USH2A: variants seen among roughly 807,000 people sequenced by gnomAD.
The protein encoded by USH2A is usherin.
A neutral mutation model predicts 538.9 loss-of-function variants in USH2A; 443 were observed. The observed-to-expected ratio is 0.82, with a 90% confidence interval of 0.76 to 0.89. The LOEUF (loss-of-function observed/expected upper bound fraction) is 0.89, where lower values mean the gene tolerates loss of function less well. USH2A is among the 40% of genes least tolerant of loss of function. The probability of loss-of-function intolerance (pLI) is 0.00; values close to 1 mark genes in which losing one functional copy is unlikely to be tolerated. For missense variants in USH2A, 6,633 were observed against 6,324.8 expected, an observed-to-expected ratio of 1.05 and a Z score of -1.65; for synonymous variants, 2,413 against 2,273.5, an observed-to-expected ratio of 1.06 and a Z score of -1.75.
chr1:215,693,402 T>C (rs1658688906), intron 61 of USH2A, among the ~76,000 whole-genome samples: 1 of 152,108 alleles, frequency 6.6e-6, no homozygotes, highest in South Asian at 2.1e-4. Context: ...GAGATTTGTA[T>C]TGTTATACAT....
intron 32 of USH2A, among the ~76,000 whole-genome samples, chr1:216,008,094 T>C (rs1054416497): frequency 1.3e-5 from 2 of 152,150 alleles, no homozygotes; most frequent in Admixed American, 1.3e-4. Context: ...AAAAAGTAGT[T>C]TGTTAGGTCA....
intron 32 of USH2A, among the ~76,000 whole-genome samples, chr1:216,019,573 T>C (rs1668798917): frequency 6.6e-6 from 1 of 152,206 alleles, no homozygotes; most frequent in South Asian, 2.1e-4. Flanking sequence ...TCTGTGTTTA[T>C]GTTAGATGCT....
At chr1:215,686,769 A>C (rs1658436304) in intron 61 of USH2A, among the ~76,000 whole-genome samples, 1 of 97,656 alleles carries the variant, frequency 1.0e-5, no homozygotes, top group African/African-American at 3.4e-5. Flanking sequence ...TTATTCAGCC[A>C]ATAAGTATAG....
Position 216,199,921 on chromosome 1 carries a change from A to G in USH2A, c.3517T>C (p.Ser1173Pro). 6.2e-7 allele frequency: 1 copy of G among 1,614,130 alleles called. No homozygotes were observed. The highest frequency in any genetic ancestry group is 1.7e-5 in the Admixed American group (1 of 60,020). ...DSVTLTWTTL[S>P]NQSGPIEKYI... Reference sequence around the variant, plus strand: ...TTCTCTATGGGACCAGATTGATTTGAGAGTGTTGTCCAGGTAAGTGTCACA... The same window carrying G: ...TTCTCTATGGGACCAGATTGATTTGGGAGTGTTGTCCAGGTAAGTGTCACA... The change falls in exon 17 of 72, where the codon TCA becomes CCA. Residue 1173 changes from serine (S) to proline (P), a missense_variant. Transcript: ENST00000307340.
intron 60 of USH2A, among the ~76,000 whole-genome samples, chr1:215,740,670 C>T (rs1660274457): frequency 6.6e-6 from 1 of 152,130 alleles, no homozygotes; most frequent in Admixed American, 6.5e-5. Context: ...TATCTGGTTT[C>T]CTCTCTGGAA....
At chr1:216,396,514 C>T (rs936327561) in intron 3 of USH2A, among the ~76,000 whole-genome samples, 23 of 152,054 alleles carry the variant, frequency 1.5e-4, no homozygotes, top group Admixed American at 3.3e-4. Context: ...TTAGGATAAG[C>T]TTACACTAAT....
intron 32 of USH2A, among the ~76,000 whole-genome samples, chr1:216,030,937 A>T (rs1669107621): frequency 1.3e-5 from 2 of 151,888 alleles, no homozygotes; most frequent in Admixed American, 6.6e-5. Flanking sequence ...CAATAAAAAA[A>T]AACTGACAAA....
chr1:215,717,953 A>G (rs1052711923), intron 61 of USH2A, among the ~76,000 whole-genome samples: 1 of 152,218 alleles, frequency 6.6e-6, no homozygotes, highest in Non-Finnish European at 1.5e-5. Flanking sequence ...TTTGGGATCC[A>G]AAGTACGTGG....
rs143860395 is a variant in USH2A at position 215,874,198 on chromosome 1, A to C, written c.8681+3560T>G. ...GTTCGCCAGATTTTCTAAGTGATGA[A>C]AATGTCAGGAAACCCAAAGTTATAG... On this transcript the variant is annotated intron_variant, in intron 43 of 71. Coordinates refer to ENST00000307340, the MANE Select transcript of USH2A (RefSeq NM_206933.4). Among the ~76,000 whole-genome samples, 274 of 152,282 alleles carry C rather than the reference A, an allele frequency of 1.8e-3. 1 individual carries two copies. Among genetic ancestry groups the C allele is most frequent in the African/African-American group, 6.1e-3 (252 of 41,560 alleles).
chr1:215,934,845 T>C (rs749025043), intron 37 of USH2A, 50 bp from the exon 38 acceptor site: 2 of 1,501,072 alleles, frequency 1.3e-6, no homozygotes, highest in South Asian at 2.4e-5. Context: ...AAGAATTCAT[T>C]CCTGCTATTA....
chr1:215,802,095 C>A (rs1328490136), intron 49 of USH2A, among the ~76,000 whole-genome samples: 1 of 151,318 alleles, frequency 6.6e-6, no homozygotes, highest in Admixed American at 6.6e-5. Context: ...TGAACCCTTA[C>A]TTTATACCAT....
intron 64 of USH2A, among the ~76,000 whole-genome samples, chr1:215,655,051 T>G (rs1393962852): frequency 6.6e-6 from 1 of 152,236 alleles, no homozygotes; most frequent in Non-Finnish European, 1.5e-5. Context: ...TGTCACAATA[T>G]ATTCCTTAGC....
intron 43 of USH2A, among the ~76,000 whole-genome samples, chr1:215,872,755 C>T (rs1359899582): frequency 3.0e-4 from 45 of 151,860 alleles, no homozygotes; most frequent in Non-Finnish European, 5.9e-5. Context: ...GGGGTGAATC[C>T]CTTATGAATG....
At chr1:215,689,374 T>C (rs4596849) in intron 61 of USH2A, among the ~76,000 whole-genome samples, 57,206 of 152,028 alleles carry the variant, frequency 0.38, 10,876 homozygotes, top group South Asian at 0.56. Context: ...ATTTTCCCTT[T>C]TTTGAAGTTT....
intron 61 of USH2A, among the ~76,000 whole-genome samples, chr1:215,685,604 C>T (rs2797243): frequency 0.74 from 112,046 of 151,874 alleles, 41,803 homozygotes; most frequent in East Asian, 0.9. Context: ...GTGATCCACC[C>T]GCCATGGCCT....
At chr1:216,329,806 C>T (rs2102662075) in intron 4 of USH2A, among the ~76,000 whole-genome samples, 1 of 152,158 alleles carries the variant, frequency 6.6e-6, no homozygotes, top group Middle Eastern at 3.4e-3. Flanking sequence ...CTGGGAGAAG[C>T]CACCCAGTTT....
At chr1:216,421,578 G>C (rs1415915310) in intron 2 of USH2A, among the ~76,000 whole-genome samples, 4 of 152,222 alleles carry the variant, frequency 2.6e-5, no homozygotes, top group African/African-American at 9.6e-5. Flanking sequence ...GGCTTTGAAG[G>C]CTAAGACCAA....
intron 38 of USH2A, among the ~76,000 whole-genome samples, chr1:215,915,809 T>A (rs1665938341): frequency 6.6e-6 from 1 of 151,566 alleles, no homozygotes; most frequent in South Asian, 2.1e-4. Context: ...AATGATAGAC[T>A]GGATTAAGAA....
intron 64 of USH2A, among the ~76,000 whole-genome samples, chr1:215,669,354 T>TA (rs1368144785): frequency 6.6e-6 from 1 of 152,234 alleles, no homozygotes; most frequent in Admixed American, 6.5e-5. Flanking sequence ...CTAACAGTGT[T>TA]ACGTTTCCGA....
Sources: allele counts gnomAD v4.1 joint callset (sites outside exome capture counted in the v4.1 genomes callset), GRCh38; gene constraint gnomAD v4.1.1; transcripts MANE v1.5; gene names NCBI Gene and HGNC (gene_info 2026-07-23, HGNC 2026-07-21).